ZBTB7A: variants seen among roughly 807,000 people sequenced by gnomAD.
ZBTB7A encodes the protein zinc finger and BTB domain-containing protein 7A.
In ZBTB7A, 7 loss-of-function variants were observed where a neutral mutation model predicts 26.7. The observed-to-expected ratio is 0.26, with a 90% CI of 0.15 to 0.49. ZBTB7A has a LOEUF of 0.49. ZBTB7A is among the 20% of genes least tolerant of loss of function. The pLI is 0.98. For missense variants in ZBTB7A, 617 were observed against 919.5 expected (o/e 0.67, Z 4.25); for synonymous variants, 452 against 441.0 (o/e 1.02, Z -0.31).
At chr19:4,053,502 GGTGTGCGTGTGTGCGTGC>G (rs2040527289) in intron 2 of ZBTB7A, among the ~76,000 whole-genome samples, 1 of 72,406 alleles carries the variant, frequency 1.4e-5, no homozygotes, top group Admixed American at 1.5e-4. Context: ...TGCGTGCCTG[GGTGTGCGTGTGTGCGTGC>G]GTGCGTGCGT....
At chr19:4,066,370 T>G in intron 1 of ZBTB7A, among the ~76,000 whole-genome samples, 3 of 122,886 alleles carry the variant, frequency 2.4e-5, no homozygotes, top group South Asian at 3.0e-4. Flanking sequence ...GCAGCCCTGC[T>G]TCCCCTCCCC....
chr19:4,045,676 A>T lies in ZBTB7A; in HGVS notation c.*2076T>A. 2.6e-6 allele frequency: 1 copy of T among 380,164 alleles called. No homozygotes were observed. The allele number at this position is 380,164 out of a possible 1,614,324, so 23.5% of individuals were successfully genotyped here. On this transcript the variant is annotated 3_prime_UTR_variant, in exon 3 of 3. Transcript: ENST00000322357. This position sits in a 1 kb window ranked among gnomAD's most constrained non-coding sequence, Gnocchi z 4.1. ...CGGTTGGGCATTGACAAGAAGTCTC[A>T]GTGCAGCAGAGCGTCTATTTTCGGG...
chr19:4,054,054 G>T lies in ZBTB7A; in HGVS notation c.1179C>A (p.Gly393=). Residue 393 remains glycine (G), a synonymous_variant, in exon 2 of 3, where the codon GGC becomes GGA. Transcript: ENST00000322357. ...KCPICEKVIQ[G]AGKLPRHIRT... The stretch of plus-strand genomic sequence containing the variant: ...GGATGTGTCGCGGCAGCTTGCCGGC[G>T]CCCTGGATGACCTTCTCGCAGATGG... 1 of 1,612,326 alleles carries T rather than the reference G, an allele frequency of 6.2e-7. No individual in the cohort carries two copies.
intron 1 of ZBTB7A, 46 bp downstream of exon 1, chr19:4,066,636 C>T (rs1449399417): frequency 1.3e-5 from 2 of 151,586 alleles, no homozygotes; most frequent in Admixed American, 1.3e-4. Flanking sequence ...CCCGCCCGTC[C>T]CCGCCCTGCA....
At position 4,055,148 on chromosome 19, in the gene ZBTB7A, T is replaced by A; in HGVS notation, c.85A>T (p.Thr29Ser). ...DILSGLNEQRTQGLLCDVVIL... is the reference protein window; with the variant it reads ...DILSGLNEQRSQGLLCDVVIL... ...ACCACGTCGCACAGCAGGCCCTGCGTCCGCTGCTCGTTCAGCCCACTCAGG... is the reference window on the plus strand; with the variant it reads ...ACCACGTCGCACAGCAGGCCCTGCGACCGCTGCTCGTTCAGCCCACTCAGG... The change falls in exon 2 of 3, where the codon ACG (threonine) becomes TCG (serine). Residue 29 changes from threonine to serine, a missense_variant. Physicochemically the swap from Thr to Ser is moderately conservative, Grantham distance 58 (BLOSUM62 1). Transcript: ENST00000322357. The A allele has an allele frequency of 6.2e-7, 1 of 1,608,704 alleles. No homozygotes were observed. Among genetic ancestry groups the A allele is most frequent in the Non-Finnish European group, 8.5e-7 (1 of 1,178,918 alleles).
rs1410763779 is a variant in ZBTB7A, at chr19:4,049,182, ATATATATATATATATATATATATATATGT to A, written c.1263-967_1263-939del. Among the ~76,000 whole-genome samples, 23 of 22,836 alleles carry A rather than the reference ATATATATATATATATATATATATATATGT, an allele frequency of 1.0e-3. 3 individuals are homozygous for A. In the East Asian group the frequency reaches 0.026, roughly 26 times the overall value. 15.0% of individuals were successfully genotyped at this position (22,836 alleles called of 152,430 possible). A position where few individuals can be genotyped will look rare whatever the true frequency, so the allele number is the denominator to read the frequency against. Reference sequence around the variant, plus strand: ...TGTGTGTGTGTGTATATATATATATATATATATATATATATATATATATATATGTAAGTTTGAGAGATGGGGGTTGAGCT... The same window carrying A: ...TGTGTGTGTGTGTATATATATATATAAAGTTTGAGAGATGGGGGTTGAGCT... On this transcript the variant is annotated intron_variant, in intron 2 of 2. Transcript: ENST00000322357.
chr19:4,063,642 T>TG lies in ZBTB7A; in HGVS notation c.-16+3039dup, dbSNP rs779387374. Among the ~76,000 whole-genome samples the TG allele has an allele frequency of 1.2e-3, 186 of 152,284 alleles. 1 individual carries two copies. The highest frequency in any genetic ancestry group is 6.8e-3 in the Middle Eastern group (2 of 294). On this transcript the variant is annotated intron_variant, in intron 1 of 2. Transcript: ENST00000322357. Reference sequence around the variant, plus strand: ...CGGTGACACTCCATTTGCAGGCAGGTGCCTGCAGTTGAGCCTCTACTGCCA... The same window carrying TG: ...CGGTGACACTCCATTTGCAGGCAGGTGGCCTGCAGTTGAGCCTCTACTGCCA...
In ZBTB7A at chr19:4,052,024, G is replaced by C. The variant is rs1421417879; in HGVS notation, c.1262+1947C>G. ...GGTGGAGGTGCTGGTGTCCTGGGGA[G>C]GGGGGACCAGAGCACGGGGTGGGGG... On this transcript the variant is annotated intron_variant, in intron 2 of 2. Transcript: ENST00000322357. This position sits in a 1 kb window ranked among gnomAD's most constrained non-coding sequence, Gnocchi z 4.9. Among the ~76,000 whole-genome samples the C allele has an allele frequency of 2.0e-5, 3 of 152,078 alleles. No individual in the cohort carries two copies. The highest frequency in any genetic ancestry group is 4.1e-4 in the South Asian group (2 of 4,828).
At position 4,052,932 on chromosome 19, in the gene ZBTB7A, C is replaced by T. The variant is rs550044917; in HGVS notation, c.1262+1039G>A. On this transcript the variant is annotated intron_variant, in intron 2 of 2. Transcript: ENST00000322357. This position sits in a 1 kb window ranked among gnomAD's most constrained non-coding sequence, Gnocchi z 4.9. ...GCTCCTCCCCTCCTTCAGGTTCCGG[C>T]AAGGCCTGTCCCCGGCGCCTAGAAC... Among the ~76,000 whole-genome samples, 7 of 152,310 alleles carry T rather than the reference C, an allele frequency of 4.6e-5. No individual in the cohort carries two copies. The highest frequency in any genetic ancestry group is 1.7e-4 in the African/African-American group (7 of 41,568).
rs2040547670 is a variant in ZBTB7A at position 4,054,414 on chromosome 19, G to A, written c.819C>T (p.Gly273=). ...AGGCGGCCTCCTCCTCTCCGCCGCG[G>A]CCGTAGTGGCCGTTCTGCGTGGCGG... ...PPAATQNGHY[G]RGGEEEAASL... is the part of the protein sequence containing the mutation. The change falls in exon 2 of 3, where the codon GGC becomes GGT. Residue 273 remains glycine, a synonymous_variant. Coordinates refer to ENST00000322357, the MANE Select transcript of ZBTB7A (RefSeq NM_015898.4). 3 of 1,372,388 alleles carry A rather than the reference G, an allele frequency of 2.2e-6. No individual in the cohort carries two copies. In the South Asian group the frequency reaches 4.9e-5, roughly 22 times the overall value. 85.0% of individuals were successfully genotyped at this position (1,372,388 alleles called of 1,614,324 possible).
rs901359494 is a variant in ZBTB7A at position 4,046,768 on chromosome 19, TTATATATA to T, written c.*976_*983del. On this transcript the variant is annotated 3_prime_UTR_variant, in exon 3 of 3. Transcript: ENST00000322357. ...GCTCCTCTGAGGAAAAGTATATTAT[TTATATATA>T]TATATATATCTATATATAAATTTTG... is the stretch of plus-strand genomic sequence containing the variant. 6.9e-6 allele frequency: 1 copy of T among 145,434 alleles called. No homozygotes were observed. Among genetic ancestry groups the T allele is most frequent in the South Asian group, 2.2e-4 (1 of 4,648 alleles). The allele number at this position is 145,434 out of a possible 1,614,324, so 9.0% of individuals were successfully genotyped here. A position where few individuals can be genotyped will look rare whatever the true frequency, so the allele number is the denominator to read the frequency against.
intron 1 of ZBTB7A, 91 bp from the exon 2 acceptor site, chr19:4,055,338 G>T: frequency 7.1e-7 from 1 of 1,417,020 alleles, no homozygotes; most frequent in Non-Finnish European, 9.2e-7. Context: ...TTGAGAAGCA[G>T]CGTTCCACCC....
Position 4,054,341 on chromosome 19 carries a change from A to G in ZBTB7A, c.892T>C (p.Ser298Pro). ...CCGTCCTCGCCCTCGGCCGCTCCCG[A>G]CAGGAAGCCCGGAGAGTCGCCCGGC... ...PEPGDSPGFL[S>P]GAAEGEDGDG... Residue 298 changes from serine to proline, a missense_variant, in exon 2 of 3, where the codon TCG (serine) becomes CCG (proline). Around this residue, in one of 5 missense-constraint regions of ZBTB7A, gnomAD observed 331 missense variants for 391.3 expected, o/e 0.85. Transcript: ENST00000322357. 1 of 1,504,504 alleles carries G rather than the reference A, an allele frequency of 6.6e-7. No individual in the cohort carries two copies. Among genetic ancestry groups the G allele is most frequent in the Non-Finnish European group, 8.8e-7 (1 of 1,134,964 alleles). The allele number at this position is 1,504,504 out of a possible 1,614,324, so 93.2% of individuals were successfully genotyped here. A position where few individuals can be genotyped will look rare whatever the true frequency, so the allele number is the denominator to read the frequency against.
intron 1 of ZBTB7A, among the ~76,000 whole-genome samples, chr19:4,063,295 G>A (rs149984110): frequency 6.6e-6 from 1 of 152,306 alleles, no homozygotes. Flanking sequence ...ATCCAAGGTC[G>A]CAGAGCAAGC....
rs369380187 is a variant in ZBTB7A at position 4,058,943 on chromosome 19, G to A, written c.-15-3696C>T. On this transcript the variant is annotated intron_variant, in intron 1 of 2. Transcript: ENST00000322357. ...GCTCAGCACCCCCGTCTACTCTAAG[G>A]CCTGTGGTGGGGCGGTGGGCTCAGA... Among the ~76,000 whole-genome samples, 80 of 152,318 alleles carry A rather than the reference G, an allele frequency of 5.3e-4. No individual in the cohort carries two copies. In the East Asian group the frequency reaches 7.5e-3, roughly 14 times the overall value.
intron 2 of ZBTB7A, among the ~76,000 whole-genome samples, chr19:4,053,286 G>C (rs892994385): frequency 1.3e-5 from 2 of 152,228 alleles, no homozygotes; most frequent in African/African-American, 4.8e-5. Flanking sequence ...GGCAGGGCCT[G>C]GTCTAGGCTG....
chr19:4,064,480 G>C (rs1044774334), intron 1 of ZBTB7A, among the ~76,000 whole-genome samples: 7 of 152,252 alleles, frequency 4.6e-5, no homozygotes, highest in Admixed American at 3.9e-4. Flanking sequence ...GCAGCAGCAG[G>C]GCTGGGCTTA....
At chr19:4,066,422 G>T (rs868511279) in intron 1 of ZBTB7A, among the ~76,000 whole-genome samples, 1 of 143,892 alleles carries the variant, frequency 6.9e-6, no homozygotes, top group Non-Finnish European at 1.5e-5. Flanking sequence ...CCATGCACCC[G>T]GGTTGGGGGG....
At position 4,044,799 on chromosome 19, in the gene ZBTB7A, C is replaced by G. The variant is rs2040394196; in HGVS notation, c.*2953G>C. On this transcript the variant is annotated 3_prime_UTR_variant, in exon 3 of 3. Coordinates refer to ENST00000322357, the MANE Select transcript of ZBTB7A (RefSeq NM_015898.4). ...TGAGCTGTGTCCTTTCATATGGAGT[C>G]AACACGACCCTCCTCAAATATCATT... 6.6e-6 allele frequency: 1 copy of G among 150,538 alleles called. No individual in the cohort carries two copies. Among genetic ancestry groups the G allele is most frequent in the South Asian group, 2.1e-4 (1 of 4,804 alleles). The allele number at this position is 150,538 out of a possible 1,614,324, so 9.3% of individuals were successfully genotyped here. A position where few individuals can be genotyped will look rare whatever the true frequency, so the allele number is the denominator to read the frequency against.
Sources: gnomAD v4.1 joint callset for allele counts (sites outside exome capture counted in the v4.1 genomes callset) on GRCh38, gnomAD v4.1.1 for gene constraint, gnomAD v4.1.1 regional missense constraint, Gnocchi (gnomAD v3.1) non-coding constraint, MANE v1.5 for transcripts, NCBI Gene and HGNC (gene_info 2026-07-23, HGNC 2026-07-21) for gene names.